FTO: variants seen among roughly 807,000 people sequenced by gnomAD.
FTO encodes the protein FTO alpha-ketoglutarate dependent dioxygenase.
A neutral mutation model predicts 63.9 loss-of-function variants in FTO; 47 were observed. That is an observed-to-expected ratio of 0.74 (90% CI 0.58 to 0.94). FTO has a LOEUF of 0.94. FTO is among the 40% of genes least tolerant of loss of function. The pLI, the probability that FTO is intolerant of heterozygous loss-of-function variation, is 0.00. For missense variants in FTO, 562 were observed against 618.1 expected, an observed-to-expected ratio of 0.91 and a Z score of 0.96; for synonymous variants, 207 against 224.4, an observed-to-expected ratio of 0.92 and a Z score of 0.69.
At chr16:53,765,604 G>C (rs2077182709) in intron 1 of FTO, among the ~76,000 whole-genome samples, 1 of 151,800 alleles carries the variant, frequency 6.6e-6, no homozygotes, top group South Asian at 2.1e-4. Context: ...CGTAAATAAG[G>C]CCATGTCTAA....
At chr16:54,005,345 A>AT (rs1204366658) in intron 8 of FTO, among the ~76,000 whole-genome samples, 210 of 147,392 alleles carry the variant, frequency 1.4e-3, no homozygotes, top group African/African-American at 5.0e-3. Context: ...ATATATATAA[A>AT]TTTTTTAAAA....
intron 1 of FTO, among the ~76,000 whole-genome samples, chr16:53,778,308 C>T (rs1207472120): frequency 1.3e-5 from 2 of 152,238 alleles, no homozygotes; most frequent in African/African-American, 4.8e-5. Context: ...AGTTAATTAG[C>T]TTGATTTAAT....
chr16:53,960,135 A>C (rs537681642), intron 8 of FTO, among the ~76,000 whole-genome samples: 1 of 152,162 alleles, frequency 6.6e-6, no homozygotes, highest in Admixed American at 6.5e-5. Context: ...ATACTTTGTT[A>C]AAGATGCAAT....
chr16:53,995,498 G>A (rs2083913469), intron 8 of FTO, among the ~76,000 whole-genome samples: 1 of 152,218 alleles, frequency 6.6e-6, no homozygotes, highest in Non-Finnish European at 1.5e-5. Context: ...GCTAGTGAGA[G>A]ACCCGGGGCT....
chr16:53,894,611 TA>T (rs975416747), intron 7 of FTO, among the ~76,000 whole-genome samples: 2 of 145,970 alleles, frequency 1.4e-5, no homozygotes, highest in African/African-American at 5.0e-5. Flanking sequence ...TTGTTTGCAT[TA>T]ATGGGAAAGT....
chr16:54,087,470 C>T (rs778004633), intron 8 of FTO, among the ~76,000 whole-genome samples: 2 of 152,144 alleles, frequency 1.3e-5, no homozygotes, highest in Non-Finnish European at 2.9e-5. Flanking sequence ...ACAGCCCTAC[C>T]TTTACTACAA....
chr16:53,933,969 G>T lies in FTO; in HGVS notation c.1240-16G>T, dbSNP rs1374346750. 29 of 1,611,448 alleles carry T rather than the reference G, an allele frequency of 1.8e-5. No homozygotes were observed. Among genetic ancestry groups the T allele is most frequent in the Admixed American group, 3.3e-5 (2 of 59,858 alleles). On this transcript the variant is annotated splice_polypyrimidine_tract_variant and intron_variant, in intron 7 of 8. Coordinates refer to ENST00000471389, the MANE Select transcript of FTO (RefSeq NM_001080432.3). ...TTTTCACTTTTTCTTTCTCTGTTTT[G>T]GATCATTTCTTGTAGACAAATGCTG...
chr16:53,788,237 ATTCT>A (rs1180739402), intron 1 of FTO, among the ~76,000 whole-genome samples: 1 of 147,498 alleles, frequency 6.8e-6, no homozygotes, highest in Non-Finnish European at 1.5e-5. Flanking sequence ...TTTCGTCTTT[ATTCT>A]TTCTCTACTC....
intron 4 of FTO, among the ~76,000 whole-genome samples, chr16:53,859,059 G>A (rs117702162): frequency 0.011 from 1,623 of 152,304 alleles, 14 homozygotes; most frequent in Non-Finnish European, 0.016. Context: ...CCAGGAGACT[G>A]CAGAGTATAG....
At chr16:53,778,228 G>A (rs1453288792) in intron 1 of FTO, among the ~76,000 whole-genome samples, 1 of 152,112 alleles carries the variant, frequency 6.6e-6, no homozygotes. Context: ...TAATAATAAT[G>A]TATATTTCAA....
intron 8 of FTO, among the ~76,000 whole-genome samples, chr16:53,959,964 A>C (rs2083031903): frequency 6.6e-6 from 1 of 152,148 alleles, no homozygotes. Context: ...CTGCATGGCA[A>C]GAAGTGATGA....
intron 1 of FTO, among the ~76,000 whole-genome samples, chr16:53,777,672 CT>C (rs2077493359): frequency 6.6e-6 from 1 of 152,190 alleles, no homozygotes; most frequent in Non-Finnish European, 1.5e-5. Flanking sequence ...AGTATCACCA[CT>C]GATCTTATAC....
At chr16:53,925,519 G>A (rs2082118336) in intron 7 of FTO, among the ~76,000 whole-genome samples, 1 of 151,990 alleles carries the variant, frequency 6.6e-6, no homozygotes, top group Non-Finnish European at 1.5e-5. Context: ...TTTGTAGAAT[G>A]CCATCCTGTT....
intron 1 of FTO, among the ~76,000 whole-genome samples, chr16:53,777,526 A>G (rs1410844373): frequency 6.6e-6 from 1 of 152,196 alleles, no homozygotes; most frequent in African/African-American, 2.4e-5. Flanking sequence ...TGCACTTTGA[A>G]TGCATCTTTT....
intron 7 of FTO, among the ~76,000 whole-genome samples, chr16:53,901,803 C>A (rs1466268129): frequency 6.6e-6 from 1 of 152,134 alleles, no homozygotes; most frequent in East Asian, 1.9e-4. Context: ...TTTATTACTT[C>A]TAAGGCACAA....
intron 1 of FTO, among the ~76,000 whole-genome samples, chr16:53,750,035 C>G (rs1423086741): frequency 1.3e-5 from 2 of 152,034 alleles, no homozygotes; most frequent in Non-Finnish European, 2.9e-5. Flanking sequence ...TTGGTGAAAA[C>G]AGAGTCATGG....
intron 8 of FTO, among the ~76,000 whole-genome samples, chr16:53,970,422 T>G (rs547708170): frequency 2.3e-4 from 35 of 151,736 alleles, no homozygotes; most frequent in Admixed American, 6.6e-4. Flanking sequence ...AATCCCCATC[T>G]CTACTAAAAA....
At chr16:53,714,893 A>G (rs148767013) in intron 1 of FTO, among the ~76,000 whole-genome samples, 1 of 152,200 alleles carries the variant, frequency 6.6e-6, no homozygotes, top group African/African-American at 2.4e-5. Flanking sequence ...AAATTGCCCC[A>G]GCTGTTAATG....
chr16:53,871,359 C>T (rs552298698), intron 4 of FTO, among the ~76,000 whole-genome samples: 1 of 152,152 alleles, frequency 6.6e-6, no homozygotes, highest in Admixed American at 6.5e-5. Context: ...TTTTGTTTAG[C>T]CACTTTATTT....
Sources: gnomAD v4.1 joint callset for allele counts (sites outside exome capture counted in the v4.1 genomes callset) on GRCh38, gnomAD v4.1.1 for gene constraint, MANE v1.5 for transcripts, NCBI Gene and HGNC (gene_info 2026-07-23, HGNC 2026-07-21) for gene names.